C9: variants seen among roughly 807,000 people sequenced by gnomAD.
C9 encodes the protein complement C9.
In C9, 63 loss-of-function variants were observed where a neutral mutation model predicts 65.4. The ratio of observed to expected loss-of-function variants is 0.96; its 90% CI spans 0.79 to 1.19. The LOEUF (loss-of-function observed/expected upper bound fraction) is 1.19. Among genes scored for constraint, C9 ranks in the 50% most tolerant of loss-of-function variants. C9 has a pLI of 0.00. For synonymous variants in C9, 229 were observed against 227.9 expected, an observed-to-expected ratio of 1.00 and a Z score of -0.04; for missense variants, 744 against 670.1, an observed-to-expected ratio of 1.11 and a Z score of -1.22.
At chr5:39,346,606 C>G (rs1754199171) in intron 1 of C9, among the ~76,000 whole-genome samples, 1 of 152,244 alleles carries the variant, frequency 6.6e-6, no homozygotes, top group Admixed American at 6.5e-5. Flanking sequence ...GGAGGAGCTG[C>G]TACCACTCTT....
chr5:39,296,006 C>T (rs994239280), intron 9 of C9, among the ~76,000 whole-genome samples: 1 of 151,538 alleles, frequency 6.6e-6, no homozygotes, highest in Admixed American at 6.6e-5. Flanking sequence ...ATTAACCCCC[C>T]ACTTTTTGTC....
intron 5 of C9, among the ~76,000 whole-genome samples, chr5:39,320,570 C>T (rs1370238306): frequency 1.3e-5 from 2 of 151,766 alleles, no homozygotes; most frequent in African/African-American, 2.4e-5. Context: ...ATTATGGTGC[C>T]CCAGAAGGAA....
intron 4 of C9, among the ~76,000 whole-genome samples, chr5:39,336,511 T>C (rs1011573598): frequency 3.3e-5 from 5 of 152,248 alleles, no homozygotes; most frequent in African/African-American, 1.2e-4. Context: ...CATATATAGG[T>C]ATCTTAAATT....
At chr5:39,314,522 GA>G (rs561838535) in intron 6 of C9, among the ~76,000 whole-genome samples, 1 of 152,070 alleles carries the variant, frequency 6.6e-6, no homozygotes, top group Admixed American at 6.5e-5. Context: ...ATGTCACTCA[GA>G]AAAAAAGCCA....
At chr5:39,339,503 T>A (rs1431979640) in intron 4 of C9, among the ~76,000 whole-genome samples, 1 of 152,132 alleles carries the variant, frequency 6.6e-6, no homozygotes, top group Admixed American at 6.5e-5. Context: ...GTAGGGTTTC[T>A]CAACCTCGGC....
Position 39,347,015 on chromosome 5 carries a change from C to T in C9, c.78-4819G>A, listed in dbSNP as rs571870081. Among the ~76,000 whole-genome samples the T allele has an allele frequency of 1.1e-3, 168 of 152,196 alleles. 4 individuals are homozygous for T. In the South Asian group the frequency reaches 0.026, roughly 24 times the overall value. ...CTCTATAAATTAGGTATTGATGGGACGTATCTAAAAATAATAAGAGCTATT... is the reference window on the plus strand; with the variant it reads ...CTCTATAAATTAGGTATTGATGGGATGTATCTAAAAATAATAAGAGCTATT... On this transcript the variant is annotated intron_variant, in intron 1 of 10. Transcript: ENST00000263408.
chr5:39,293,071 A>AG (rs1450719711), intron 9 of C9, among the ~76,000 whole-genome samples: 5 of 151,812 alleles, frequency 3.3e-5, no homozygotes, highest in Admixed American at 6.6e-5. Flanking sequence ...TTGGAAGGCC[A>AG]GGGGGTCTTA....
At chr5:39,328,315 A>G (rs1307178711) in intron 5 of C9, among the ~76,000 whole-genome samples, 1 of 152,222 alleles carries the variant, frequency 6.6e-6, no homozygotes, top group African/African-American at 2.4e-5. Flanking sequence ...CAAAATGGTG[A>G]GTAAGAGTAA....
At chr5:39,338,229 T>C (rs186504314) in intron 4 of C9, among the ~76,000 whole-genome samples, 1 of 152,340 alleles carries the variant, frequency 6.6e-6, no homozygotes, top group East Asian at 1.9e-4. Context: ...TTTTTTAAGG[T>C]TAGTTTTGCT....
chr5:39,295,380 T>C (rs1174116932), intron 9 of C9, among the ~76,000 whole-genome samples: 1 of 151,686 alleles, frequency 6.6e-6, no homozygotes, highest in Non-Finnish European at 1.5e-5. Flanking sequence ...AAAATCAACA[T>C]GCAAGAATCA....
intron 9 of C9, among the ~76,000 whole-genome samples, chr5:39,304,652 C>T (rs1394364783): frequency 6.6e-6 from 1 of 152,096 alleles, no homozygotes; most frequent in African/African-American, 2.4e-5. Flanking sequence ...AAAAAGTGGT[C>T]CATAGTGAAC....
Position 39,341,689 on chromosome 5 carries a change from T to G in C9, c.195A>C (p.Arg65Ser), listed in dbSNP as rs1008450573. The change falls in exon 3 of 11, where the codon AGA becomes AGC. Residue 65 changes from arginine to serine, a missense_variant. Transcript: ENST00000263408. ...TAAATTGTCCAAAGACCTCAATGCT[T>G]CTTGAACGAAACTGCACAATATCAG... The part of the protein sequence containing the change: ...DPCLRQMFRS[R>S]SIEVFGQFNG... The G allele has an allele frequency of 3.1e-6, 5 of 1,614,094 alleles. No homozygotes were observed. In the South Asian group the frequency reaches 4.4e-5, roughly 14 times the overall value.
rs561761826 is a variant in C9 at position 39,299,934 on chromosome 5, A to G, written c.1416+6683T>C. Among the ~76,000 whole-genome samples the G allele has an allele frequency of 3.9e-5, 6 of 152,310 alleles. No individual in the cohort carries two copies. In the South Asian group the frequency reaches 1.2e-3, roughly 32 times the overall value. On this transcript the variant is annotated intron_variant, in intron 9 of 10. Coordinates refer to ENST00000263408, the MANE Select transcript of C9 (RefSeq NM_001737.5). ...AATTGGCTAACTATACCTCTGATAA[A>G]GACTCTGATGACTGGAAAATGTACA...
In C9 at chr5:39,343,532, C is replaced by T. The variant is rs543861017; in HGVS notation, c.78-1336G>A. ...ATGTAAACAAAGCAGCCAGGAAGCT[C>T]GAACTGGGTGGAGCCCACCACAGCT... On this transcript the variant is annotated intron_variant, in intron 1 of 10. Transcript: ENST00000263408. 2.4e-3 allele frequency among the ~76,000 whole-genome samples: 358 copies of T among 152,326 alleles called. 1 individual carries two copies. The highest frequency in any genetic ancestry group is 3.9e-3 in the Non-Finnish European group (263 of 68,038).
At chr5:39,323,580 T>A (rs1214670116) in intron 5 of C9, among the ~76,000 whole-genome samples, 1 of 151,162 alleles carries the variant, frequency 6.6e-6, no homozygotes, top group Admixed American at 6.6e-5. Context: ...TATGATCATC[T>A]CAATAGATGT....
chr5:39,321,704 G>C (rs527765856), intron 5 of C9, among the ~76,000 whole-genome samples: 121 of 151,972 alleles, frequency 8.0e-4, no homozygotes, highest in African/African-American at 2.8e-3. Flanking sequence ...AATAGAGCAG[G>C]GATAGCTAAA....
At chr5:39,317,858 G>GT (rs1265566362) in intron 5 of C9, among the ~76,000 whole-genome samples, 9 of 147,524 alleles carry the variant, frequency 6.1e-5, no homozygotes, top group African/African-American at 2.1e-4. Context: ...ATTTTAAAAT[G>GT]GTTTTTTTTT....
chr5:39,357,952 A>C (rs1479186802), intron 1 of C9, among the ~76,000 whole-genome samples: 3 of 152,166 alleles, frequency 2.0e-5, no homozygotes, highest in Non-Finnish European at 2.9e-5. Flanking sequence ...GCCACCTACG[A>C]GCATGGGGTG....
At chr5:39,329,377 T>C (rs1055149160) in intron 5 of C9, among the ~76,000 whole-genome samples, 27 of 152,338 alleles carry the variant, frequency 1.8e-4, no homozygotes, top group Non-Finnish European at 1.5e-4. Context: ...TTCACATATT[T>C]AGACCCATTT....
Sources: gnomAD v4.1 joint callset for allele counts (sites outside exome capture counted in the v4.1 genomes callset) on GRCh38, gnomAD v4.1.1 for gene constraint, MANE v1.5 for transcripts, NCBI Gene and HGNC (gene_info 2026-07-23, HGNC 2026-07-21) for gene names.